DYM: variants seen among roughly 807,000 people sequenced by gnomAD.
The protein encoded by DYM is dyggve-Melchior-Clausen syndrome protein.
In DYM, 78 loss-of-function variants were observed where a neutral mutation model predicts 93.1. The ratio of observed to expected loss-of-function variants is 0.84; its 90% CI spans 0.70 to 1.01. DYM has a LOEUF of 1.01. DYM is among the 50% of genes least tolerant of loss of function. DYM has a pLI of 0.00. For missense variants in DYM, 789 were observed against 845.0 expected (o/e 0.93, Z 0.82); for synonymous variants, 321 against 319.7 (o/e 1.00, Z -0.04).
At position 49,144,522 on chromosome 18, in the gene DYM, T is replaced by C. The variant is rs376682297; in HGVS notation, c.1728+19163A>G. Among the ~76,000 whole-genome samples, 3 of 152,332 alleles carry C rather than the reference T, an allele frequency of 2.0e-5. No homozygotes were observed. In the East Asian group the frequency reaches 5.8e-4, roughly 29 times the overall value. ...AAGTGGAACTTCTCCATATCTACTA[T>C]TTTGACATCTAGTGTTACTATCTTA... On this transcript the variant is annotated intron_variant, in intron 15 of 17. Transcript: ENST00000675505.
rs1481983390 is a variant in DYM at position 49,279,478 on chromosome 18, T to C, written c.1125+2519A>G. On this transcript the variant is annotated intron_variant, in intron 10 of 17. Transcript: ENST00000675505. The stretch of plus-strand genomic sequence containing the variant: ...TATAGAAGAAAGGTAAAAGGACAGA[T>C]GGAGCATAAATTAAGAAATTATCCA... 1.3e-5 allele frequency among the ~76,000 whole-genome samples: 2 copies of C among 152,222 alleles called. 1 individual carries two copies. The highest frequency in any genetic ancestry group is 2.9e-5 in the Non-Finnish European group (2 of 68,034).
At position 49,037,473 on chromosome 18, in the gene DYM, TG is replaced by T. The variant is rs2070747580; in HGVS notation, c.*6581del. 6.6e-6 allele frequency among the ~76,000 whole-genome samples: 1 copy of T among 152,242 alleles called. No homozygotes were observed. The highest frequency in any genetic ancestry group is 1.5e-5 in the Non-Finnish European group (1 of 68,014). ...AAGCAAGTGCTGAAAAACTTTCTAT[TG>T]GGTACTATGTTCACTATCTGGGTGA... On this transcript the variant is annotated 3_prime_UTR_variant, in exon 18 of 18. Transcript: ENST00000675505.
intron 15 of DYM, among the ~76,000 whole-genome samples, chr18:49,154,586 G>A (rs1207910836): frequency 6.6e-6 from 1 of 151,978 alleles, no homozygotes; most frequent in Non-Finnish European, 1.5e-5. Flanking sequence ...GTAGAGACAC[G>A]GTTTCACCAC....
chr18:49,395,263 T>C (rs922730352), intron 2 of DYM, among the ~76,000 whole-genome samples: 1 of 151,390 alleles, frequency 6.6e-6, no homozygotes, highest in Non-Finnish European at 1.5e-5. Flanking sequence ...CCAGGATACA[T>C]AAGGAACTCA....
At chr18:49,217,548 C>T (rs985283865) in intron 13 of DYM, among the ~76,000 whole-genome samples, 2 of 152,182 alleles carry the variant, frequency 1.3e-5, no homozygotes, top group African/African-American at 4.8e-5. Context: ...AGACTAACAG[C>T]GGATCTCTCG....
chr18:49,179,398 C>T (rs953552849), intron 14 of DYM, among the ~76,000 whole-genome samples: 1 of 152,064 alleles, frequency 6.6e-6, no homozygotes, highest in Non-Finnish European at 1.5e-5. Flanking sequence ...TTTAAGACAC[C>T]TACTGTAAAG....
chr18:49,106,412 G>A (rs1255537584), intron 16 of DYM, among the ~76,000 whole-genome samples: 9 of 152,148 alleles, frequency 5.9e-5, no homozygotes, highest in East Asian at 5.8e-4. Flanking sequence ...TACATTTAAG[G>A]TTAATATTGT....
Position 49,216,989 on chromosome 18 carries a change from G to T in DYM, c.1461-7274C>A, listed in dbSNP as rs184452157. On this transcript the variant is annotated intron_variant, in intron 13 of 17. Coordinates refer to ENST00000675505, the MANE Select transcript of DYM (RefSeq NM_001353214.3). ...GGAGGAAATTCAAACCGAAGGCAAA[G>T]AAGTTAAATACTTCGAAAAAAATTT... Among the ~76,000 whole-genome samples, 553 of 152,310 alleles carry T rather than the reference G, an allele frequency of 3.6e-3. 1 individual carries two copies. Among genetic ancestry groups the T allele is most frequent in the Non-Finnish European group, 6.4e-3 (433 of 68,028 alleles).
intron 14 of DYM, among the ~76,000 whole-genome samples, chr18:49,185,198 C>T (rs983712013): frequency 2.0e-5 from 3 of 152,052 alleles, no homozygotes; most frequent in African/African-American, 7.2e-5. Context: ...AAGAACCATC[C>T]CCCATCCCCA....
At chr18:49,188,702 AG>A (rs994740398) in intron 14 of DYM, among the ~76,000 whole-genome samples, 3 of 151,148 alleles carry the variant, frequency 2.0e-5, no homozygotes, top group African/African-American at 7.4e-5. Flanking sequence ...CGTGGGGGGA[AG>A]GGGGAGGGAT....
At chr18:49,134,767 G>A (rs913030624) in intron 15 of DYM, among the ~76,000 whole-genome samples, 2 of 152,172 alleles carry the variant, frequency 1.3e-5, no homozygotes, top group African/African-American at 4.8e-5. Flanking sequence ...ATTTCACCTT[G>A]GAGTTATAAA....
Position 49,333,818 on chromosome 18 carries a change from G to A in DYM, c.530C>T (p.Ser177Leu), listed in dbSNP as rs764503118. Reference sequence around the variant, plus strand: ...GCAGGAAAGGAAAACAACCATTGTTGATATAGCTTCTACTGATATTTCATA... The same window carrying A: ...GCAGGAAAGGAAAACAACCATTGTTAATATAGCTTCTACTGATATTTCATA... ...ITYEISVEAI[S>L]TMVVFLSCQL... Residue 177 changes from serine to leucine, a missense_variant, in exon 7 of 18, where the codon TCA becomes TTA. Transcript: ENST00000675505. 6.2e-7 allele frequency: 1 copy of A among 1,612,704 alleles called. No individual in the cohort carries two copies. The highest frequency in any genetic ancestry group is 8.5e-7 in the Non-Finnish European group (1 of 1,178,896).
intron 17 of DYM, among the ~76,000 whole-genome samples, chr18:49,050,379 C>T (rs942261921): frequency 6.6e-6 from 1 of 152,094 alleles, no homozygotes; most frequent in African/African-American, 2.4e-5. Flanking sequence ...GCATGAGCCA[C>T]CGCACCCAGT....
chr18:49,299,405 G>A (rs929227636), intron 8 of DYM, among the ~76,000 whole-genome samples: 1 of 152,174 alleles, frequency 6.6e-6, no homozygotes, highest in African/African-American at 2.4e-5. Flanking sequence ...TTACCCTTTA[G>A]GAAAACAGAC....
intron 17 of DYM, among the ~76,000 whole-genome samples, chr18:49,045,666 A>C (rs1472952681): frequency 1.3e-5 from 2 of 152,180 alleles, no homozygotes; most frequent in Non-Finnish European, 2.9e-5. Context: ...CAAAAAACCA[A>C]TAATAACAGG....
At chr18:49,238,784 T>A (rs1375439702) in intron 13 of DYM, among the ~76,000 whole-genome samples, 1 of 143,238 alleles carries the variant, frequency 7.0e-6, no homozygotes, top group Non-Finnish European at 1.5e-5. Context: ...AGAGTAAGAC[T>A]CCGTCTCAAA....
At chr18:49,369,572 T>C (rs183747070) in intron 5 of DYM, among the ~76,000 whole-genome samples, 1 of 152,256 alleles carries the variant, frequency 6.6e-6, no homozygotes, top group Non-Finnish European at 1.5e-5. Flanking sequence ...ATTACTCCAT[T>C]TTCCAACTTT....
At chr18:49,132,733 G>A (rs932077971) in intron 15 of DYM, among the ~76,000 whole-genome samples, 2 of 151,906 alleles carry the variant, frequency 1.3e-5, no homozygotes, top group African/African-American at 4.8e-5. Context: ...GTGCTAAAAG[G>A]GTTACAATCC....
chr18:49,204,859 T>C (rs2092387368), intron 14 of DYM, among the ~76,000 whole-genome samples: 5 of 152,238 alleles, frequency 3.3e-5, no homozygotes, highest in Admixed American at 2.0e-4. Context: ...CTGATTTCAA[T>C]GCTTCTGGGG....
Sources: allele counts gnomAD v4.1 joint callset (sites outside exome capture counted in the v4.1 genomes callset), GRCh38; gene constraint gnomAD v4.1.1; transcripts MANE v1.5; gene names NCBI Gene and HGNC (gene_info 2026-07-23, HGNC 2026-07-21).